NLGN4X: variants seen among roughly 807,000 people sequenced by gnomAD.
The protein encoded by NLGN4X is neuroligin 4 X-linked, also known as neuroligin-4, X-linked.
NLGN4X carries 3 observed loss-of-function variants against 40.3 expected under a neutral mutation model. The ratio of observed to expected loss-of-function variants is 0.07; its 90% CI spans 0.03 to 0.19. NLGN4X has a LOEUF of 0.19. Among genes scored for constraint, NLGN4X ranks in the 10% least tolerant of loss-of-function variants. The pLI, the probability that NLGN4X is intolerant of heterozygous loss-of-function variation, is 1.00. For missense variants in NLGN4X, 382 were observed against 708.3 expected (o/e 0.54, Z 5.23); for synonymous variants, 270 against 306.8 (o/e 0.88, Z 1.25).
intron 3 of NLGN4X, among the ~76,000 whole-genome samples, chrX:6,025,173 C>T (rs2036657865): frequency 9.0e-6 from 1 of 111,715 alleles, no homozygotes; most frequent in Non-Finnish European, 1.9e-5. Flanking sequence ...TAAATAATTA[C>T]TTTATAGCTA....
intron 2 of NLGN4X, among the ~76,000 whole-genome samples, chrX:6,132,048 C>T (rs973903800): frequency 2.7e-5 from 3 of 111,851 alleles, no homozygotes; most frequent in East Asian, 2.8e-4. Flanking sequence ...TGTCTTCCCA[C>T]ATTGCCAAAT....
chrX:6,147,976 A>G (rs1397767214), intron 2 of NLGN4X, among the ~76,000 whole-genome samples: 5 of 112,089 alleles, frequency 4.5e-5, no homozygotes, highest in Admixed American at 2.9e-4. Flanking sequence ...GTTTAAATGA[A>G]AAGACTCACC....
rs112417418 is a variant in NLGN4X, at chrX:6,215,067, T to C, written c.-306+13474A>G. The stretch of plus-strand genomic sequence containing the variant: ...CTGCTAGTCCCTTTCATAGAAATGA[T>C]TTATCTGTTTAAATCGCTGCTGCAT... On this transcript the variant is annotated intron_variant, in intron 1 of 5. Transcript: ENST00000381095. 8.5e-3 allele frequency among the ~76,000 whole-genome samples: 953 copies of C among 112,140 alleles called. 13 individuals are homozygous for C. Among genetic ancestry groups the C allele is most frequent in the African/African-American group, 0.029 (896 of 30,798 alleles).
intron 3 of NLGN4X, among the ~76,000 whole-genome samples, chrX:5,988,151 C>G (rs763622325): frequency 8.9e-6 from 1 of 112,047 alleles, no homozygotes; most frequent in Non-Finnish European, 1.9e-5. Flanking sequence ...AATGGACACA[C>G]TTCCGTACAG....
intron 3 of NLGN4X, among the ~76,000 whole-genome samples, chrX:5,925,913 T>C (rs1428508293): frequency 9.1e-5 from 4 of 43,871 alleles, no homozygotes; most frequent in South Asian, 2.2e-3. Context: ...TATATATATA[T>C]ATATATATAT....
intron 1 of NLGN4X, among the ~76,000 whole-genome samples, chrX:6,160,930 T>A (rs1418009940): frequency 6.9e-5 from 7 of 101,189 alleles, no homozygotes; most frequent in Non-Finnish European, 9.8e-5. Context: ...AACATATATA[T>A]TACAAAATAT....
In NLGN4X at chrX:5,892,499, C is replaced by A; in HGVS notation, c.*318G>T. 1 of 275,616 alleles carries A rather than the reference C, an allele frequency of 3.6e-6. No homozygotes were observed. Among genetic ancestry groups the A allele is most frequent in the Non-Finnish European group, 6.5e-6 (1 of 153,461 alleles). 22.7% of individuals were successfully genotyped at this position (275,616 alleles called of 1,213,427 possible). Reference sequence around the variant, plus strand: ...TCCATGACGTTGGAAACACCCGGGGCCTTGAAATGGTGATGTCCTATCACA... The same window carrying A: ...TCCATGACGTTGGAAACACCCGGGGACTTGAAATGGTGATGTCCTATCACA... On this transcript the variant is annotated 3_prime_UTR_variant, in exon 6 of 6. Coordinates refer to ENST00000381095, the MANE Select transcript of NLGN4X (RefSeq NM_181332.3).
At chrX:6,182,802 C>A (rs1248950435) in intron 1 of NLGN4X, among the ~76,000 whole-genome samples, 1 of 111,620 alleles carries the variant, frequency 9.0e-6, no homozygotes, top group Non-Finnish European at 1.9e-5. Flanking sequence ...TGGAGCCTTC[C>A]GAAGGAAGGA....
chrX:6,169,317 C>T (rs1346544285), intron 1 of NLGN4X, among the ~76,000 whole-genome samples: 1 of 112,741 alleles, frequency 8.9e-6, no homozygotes, highest in Non-Finnish European at 1.9e-5. Context: ...AAGAACTACA[C>T]CCTGAGGATG....
rs892127796 is a variant in NLGN4X at position 6,185,232 on chromosome X, T to C, written c.-305-33461A>G. ...TTCCAGGCCTTTGCACTGACCACAA[T>C]TCACATGGATCATGTTACCTTCTAC... On this transcript the variant is annotated intron_variant, in intron 1 of 5. Transcript: ENST00000381095. Among the ~76,000 whole-genome samples, 8 of 112,032 alleles carry C rather than the reference T, an allele frequency of 7.1e-5. 1 individual carries two copies. Among genetic ancestry groups the C allele is most frequent in the Admixed American group, 6.6e-4 (7 of 10,537 alleles).
Position 5,890,208 on chromosome X carries a change from A to G in NLGN4X, c.*2609T>C, listed in dbSNP as rs753126381. 4.0e-3 allele frequency: 716 copies of G among 177,322 alleles called. 3 individuals are homozygous for G. The highest frequency in any genetic ancestry group is 6.6e-3 in the Admixed American group (87 of 13,279). The allele number at this position is 177,322 out of a possible 1,213,427, so 14.6% of individuals were successfully genotyped here. ...ACCCTGCGTGCCTTTGAAGATCAAG[A>G]GTAAAAGCCTAGGACAGGATTTTTT... On this transcript the variant is annotated 3_prime_UTR_variant, in exon 6 of 6. Transcript: ENST00000381095.
chrX:6,193,605 G>A (rs1002651102), intron 1 of NLGN4X, among the ~76,000 whole-genome samples: 7 of 111,310 alleles, frequency 6.3e-5, no homozygotes, highest in Middle Eastern at 4.2e-3. Flanking sequence ...AGAACTAGCC[G>A]ATCATGACAT....
intron 2 of NLGN4X, among the ~76,000 whole-genome samples, chrX:6,113,061 A>C (rs1296901430): frequency 9.0e-6 from 1 of 110,634 alleles, no homozygotes; most frequent in East Asian, 2.9e-4. Flanking sequence ...CAAAACTGTT[A>C]AGGTCATGAA....
intron 3 of NLGN4X, among the ~76,000 whole-genome samples, chrX:5,936,336 T>C (rs763240001): frequency 4.5e-5 from 5 of 111,828 alleles, no homozygotes; most frequent in Non-Finnish European, 9.4e-5. Flanking sequence ...ATTAAAATAA[T>C]TGTTTATCTG....
chrX:6,162,535 C>T (rs960127565), intron 1 of NLGN4X, among the ~76,000 whole-genome samples: 2 of 111,726 alleles, frequency 1.8e-5, no homozygotes, highest in African/African-American at 6.5e-5. Context: ...GCTTCCTGCC[C>T]TCAAACATCA....
At chrX:6,185,231 A>G (rs1921893947) in intron 1 of NLGN4X, among the ~76,000 whole-genome samples, 1 of 112,102 alleles carries the variant, frequency 8.9e-6, no homozygotes, top group Non-Finnish European at 1.9e-5. Flanking sequence ...ACTGACCACA[A>G]TTCACATGGA....
chrX:5,987,499 T>A (rs1312776705), intron 3 of NLGN4X, among the ~76,000 whole-genome samples: 2 of 112,757 alleles, frequency 1.8e-5, no homozygotes, highest in African/African-American at 6.4e-5. Context: ...TAATATAAGA[T>A]AACAGAACAC....
chrX:5,924,020 T>C (rs948709994), intron 3 of NLGN4X, among the ~76,000 whole-genome samples: 19 of 111,975 alleles, frequency 1.7e-4, no homozygotes, highest in African/African-American at 6.2e-4. Context: ...TAATCTACAT[T>C]TACATAAGTA....
At chrX:6,226,775 C>G (rs1257470382) in intron 1 of NLGN4X, 2 of 120,214 alleles carry the variant, frequency 1.7e-5, no homozygotes, top group Admixed American at 1.8e-4. Flanking sequence ...AGGGAGCAGC[C>G]GCGGAGTGGA....
Sources: gnomAD v4.1 joint callset for allele counts (sites outside exome capture counted in the v4.1 genomes callset) on GRCh38, gnomAD v4.1.1 for gene constraint, MANE v1.5 for transcripts, NCBI Gene and HGNC (gene_info 2026-07-23, HGNC 2026-07-21) for gene names.